UBE2R2: variants seen among roughly 807,000 people sequenced by gnomAD.
The protein encoded by UBE2R2 is ubiquitin conjugating enzyme E2 R2.
UBE2R2 carries 1 observed loss-of-function variant against 27.8 expected under a neutral mutation model. That is an observed-to-expected ratio of 0.04 (90% CI 0.01 to 0.17). The LOEUF is 0.17. Ranked by LOEUF, UBE2R2 falls within the 10% of genes least tolerant of loss-of-function variation. The pLI, the probability that UBE2R2 is intolerant of heterozygous loss-of-function variation, is 1.00. For missense variants in UBE2R2, 100 were observed against 291.0 expected, an observed-to-expected ratio of 0.34 and a Z score of 4.78; for synonymous variants, 106 against 113.3, an observed-to-expected ratio of 0.94 and a Z score of 0.41.
intron 1 of UBE2R2, among the ~76,000 whole-genome samples, chr9:33,820,940 C>T (rs10971712): frequency 0.079 from 11,997 of 152,154 alleles, 685 homozygotes; most frequent in Non-Finnish European, 0.12. Flanking sequence ...CGCCAATCCA[C>T]GTGATTCTTA....
intron 1 of UBE2R2, among the ~76,000 whole-genome samples, chr9:33,864,312 AGGAT>A (rs1217956919): frequency 4.6e-5 from 7 of 152,152 alleles, no homozygotes; most frequent in Non-Finnish European, 1.0e-4. Flanking sequence ...TCAGTTACCC[AGGAT>A]GTCTTATCCT....
intron 1 of UBE2R2, among the ~76,000 whole-genome samples, chr9:33,823,892 G>A (rs895072535): frequency 6.6e-6 from 1 of 152,050 alleles, no homozygotes; most frequent in Non-Finnish European, 1.5e-5. Flanking sequence ...ATTATAAAAC[G>A]AATGCTCTTT....
chr9:33,874,712 C>G (rs922863085), intron 1 of UBE2R2, among the ~76,000 whole-genome samples: 1 of 151,872 alleles, frequency 6.6e-6, no homozygotes, highest in Non-Finnish European at 1.5e-5. Flanking sequence ...CGACTTGTCT[C>G]CCATACTGGG....
At chr9:33,856,855 A>G (rs1047144747) in intron 1 of UBE2R2, among the ~76,000 whole-genome samples, 3 of 125,982 alleles carry the variant, frequency 2.4e-5, no homozygotes, top group Non-Finnish European at 5.0e-5. Flanking sequence ...CCATCCATCC[A>G]TCCGTCTGTC....
chr9:33,841,915 A>AC (rs1441758516), intron 1 of UBE2R2, among the ~76,000 whole-genome samples: 2 of 151,720 alleles, frequency 1.3e-5, no homozygotes, highest in East Asian at 1.9e-4. Flanking sequence ...TGTCCTCATC[A>AC]CCCCCCGACA....
intron 1 of UBE2R2, among the ~76,000 whole-genome samples, chr9:33,871,619 A>C (rs184549112): frequency 3.9e-4 from 59 of 152,366 alleles, no homozygotes; most frequent in Admixed American, 2.1e-3. Context: ...TTAGTCAAAA[A>C]AGATGTAAGG....
intron 1 of UBE2R2, among the ~76,000 whole-genome samples, chr9:33,862,203 G>T (rs1238258369): frequency 1.3e-5 from 2 of 151,982 alleles, no homozygotes; most frequent in African/African-American, 4.8e-5. Context: ...TTATCATTTG[G>T]TATGATAAAC....
chr9:33,879,071 T>C (rs940795400), intron 1 of UBE2R2, among the ~76,000 whole-genome samples: 2 of 152,036 alleles, frequency 1.3e-5, no homozygotes, highest in African/African-American at 4.8e-5. Context: ...GTGAAATCTT[T>C]ACAAAAAATC....
intron 1 of UBE2R2, among the ~76,000 whole-genome samples, chr9:33,843,020 A>AC (rs1237902917): frequency 1.1e-5 from 1 of 92,778 alleles, no homozygotes; most frequent in Non-Finnish European, 2.2e-5. Context: ...GACCGTGTTT[A>AC]CAAAAAAAAA....
chr9:33,816,745 C>T (rs10123545), upstream of UBE2R2, among the ~76,000 whole-genome samples: 30,004 of 152,172 alleles, frequency 0.2, 3,239 homozygotes, highest in South Asian at 0.33. Flanking sequence ...CCTGCAGCGA[C>T]CAGGCCCGTC....
intron 1 of UBE2R2, among the ~76,000 whole-genome samples, chr9:33,832,523 G>A (rs1189128661): frequency 3.3e-5 from 5 of 151,676 alleles, no homozygotes; most frequent in South Asian, 2.1e-4. Flanking sequence ...TGCGCTTCGC[G>A]GCCAGCACCT....
chr9:33,815,738 T>A, upstream of UBE2R2, among the ~76,000 whole-genome samples: 1 of 152,212 alleles, frequency 6.6e-6, no homozygotes, highest in South Asian at 2.1e-4. Flanking sequence ...AGTAAGACCC[T>A]GTCTCAATAA....
At chr9:33,905,389 C>T (rs1822331043) in intron 3 of UBE2R2, among the ~76,000 whole-genome samples, 1 of 152,128 alleles carries the variant, frequency 6.6e-6, no homozygotes, top group Admixed American at 6.5e-5. Flanking sequence ...GTTCCTAAAG[C>T]TCTTTTAAAC....
chr9:33,816,936 G>C (rs1825779250), upstream of UBE2R2, among the ~76,000 whole-genome samples: 9 of 152,196 alleles, frequency 5.9e-5, no homozygotes, highest in South Asian at 1.9e-3. Context: ...GATCTTTATG[G>C]GCGGGGGACA....
At position 33,817,843 on chromosome 9, in the gene UBE2R2, G is replaced by T; in HGVS notation, c.86G>T (p.Arg29Leu). ...CAGGAGGAACCGGTGGAGGGCTTCC[G>T]GATCACCCTGGTGGACGAGTCCGAC... is the stretch of plus-strand genomic sequence containing the variant. The part of the protein sequence containing the change: ...SLQEEPVEGF[R>L]ITLVDESDLY... Residue 29 changes from arginine (R) to leucine (L), a missense_variant, in exon 1 of 5, where the codon CGG becomes CTG. Transcript: ENST00000263228. The T allele has an allele frequency of 6.2e-7, 1 of 1,612,716 alleles. No homozygotes were observed. Among genetic ancestry groups the T allele is most frequent in the Non-Finnish European group, 8.5e-7 (1 of 1,179,286 alleles).
intron 1 of UBE2R2, 67 bp from the exon 2 acceptor site, chr9:33,886,814 G>T: frequency 7.5e-7 from 1 of 1,328,398 alleles, no homozygotes; most frequent in Non-Finnish European, 1.0e-6. Flanking sequence ...GTGTAGTAGG[G>T]TGAATTATTA....
chr9:33,816,878 G>A (rs1825776881), upstream of UBE2R2, among the ~76,000 whole-genome samples: 1 of 152,242 alleles, frequency 6.6e-6, no homozygotes, highest in Non-Finnish European at 1.5e-5. Context: ...CCGTCACTCT[G>A]GGGCCACGGC....
intron 1 of UBE2R2, among the ~76,000 whole-genome samples, chr9:33,867,304 A>C (rs1051478731): frequency 6.6e-6 from 1 of 152,184 alleles, no homozygotes; most frequent in Non-Finnish European, 1.5e-5. Context: ...CTAGGTAGTA[A>C]TCTATAAATG....
chr9:33,905,688 T>C (rs1822338638), intron 3 of UBE2R2, among the ~76,000 whole-genome samples: 1 of 152,238 alleles, frequency 6.6e-6, no homozygotes, highest in East Asian at 1.9e-4. Context: ...TCAGTTGCCC[T>C]GTTTTCCCTA....
Sources: allele counts gnomAD v4.1 joint callset (sites outside exome capture counted in the v4.1 genomes callset), GRCh38; gene constraint gnomAD v4.1.1; transcripts MANE v1.5; gene names NCBI Gene and HGNC (gene_info 2026-07-23, HGNC 2026-07-21).